STOX1: variants seen among roughly 807,000 people sequenced by gnomAD.
STOX1 encodes the protein storkhead-box protein 1.
Under a neutral mutation model 74.8 loss-of-function variants are expected in STOX1, and 57 were observed. The observed-to-expected ratio is 0.76, with a 90% CI of 0.62 to 0.95. The LOEUF is 0.95. Among genes scored for constraint, STOX1 ranks in the 40% least tolerant of loss-of-function variants. The pLI, the probability that STOX1 is intolerant of heterozygous loss-of-function variation, is 0.00. For synonymous variants in STOX1, 375 were observed against 401.3 expected (o/e 0.93, Z 0.78); for missense variants, 1,010 against 1,117.0 (o/e 0.90, Z 1.37).
chr10:68,894,999 C>T, downstream of STOX1, among the ~76,000 whole-genome samples: 1 of 152,200 alleles, frequency 6.6e-6, no homozygotes, highest in South Asian at 2.1e-4. Context: ...GCTGGAATTA[C>T]AGATGTGAGC....
chr10:68,885,066 G>A lies in STOX1; in HGVS notation c.1270G>A (p.Gly424Arg), dbSNP rs746412185. The A allele has an allele frequency of 1.2e-6, 2 of 1,614,068 alleles. No individual in the cohort carries two copies. Among genetic ancestry groups the A allele is most frequent in the South Asian group, 2.2e-5 (2 of 91,072 alleles). ...KRQGLSAKPQ[G>R]QGHSRRDRHK... ...GCAGGGTCTGTCTGCAAAACCTCAAGGGCAGGGCCATTCTCGAAGGGATAG... is the reference window on the plus strand; with the variant it reads ...GCAGGGTCTGTCTGCAAAACCTCAAAGGCAGGGCCATTCTCGAAGGGATAG... Residue 424 changes from glycine to arginine, a missense_variant, in exon 3 of 4, where the codon GGG (glycine) becomes AGG (arginine). By Grantham distance (125) the Gly-to-Arg change is moderately radical. Coordinates refer to ENST00000298596, the MANE Select transcript of STOX1 (RefSeq NM_152709.5).
Position 68,886,496 on chromosome 10 carries a change from G to A in STOX1, c.2700G>A (p.Lys900=), listed in dbSNP as rs1306793446. The A allele has an allele frequency of 1.2e-6, 2 of 1,614,014 alleles. No individual in the cohort carries two copies. The highest frequency in any genetic ancestry group is 2.2e-5 in the East Asian group (1 of 44,880). ...AAATGAGAAAACATTTCCCACAAAA[G>A]TTCCAACTTTTCAACACTTCACATA... ...NQEMRKHFPQ[K]FQLFNTSHMP... is the part of the protein sequence containing the mutation. Residue 900 remains lysine (K), a synonymous_variant, in exon 3 of 4, where the codon AAG becomes AAA. Transcript: ENST00000298596.
rs1840939530 is a variant in STOX1 at position 68,885,908 on chromosome 10, G to C, written c.2112G>C (p.Glu704Asp). ...LLRKGFVQDA[E>D]TTSLENEQLS... is the part of the protein sequence containing the mutation. ...GAAAAGGATTTGTCCAGGATGCAGA[G>C]ACTACAAGCCTAGAAAATGAACAGC... is the stretch of plus-strand genomic sequence containing the variant. The change falls in exon 3 of 4, where the codon GAG becomes GAC. Residue 704 changes from glutamate (E) to aspartate (D), a missense_variant. Physicochemically the swap from Glu to Asp is conservative, Grantham distance 45 (BLOSUM62 2). Coordinates refer to ENST00000298596, the MANE Select transcript of STOX1 (RefSeq NM_152709.5). 1 of 1,614,174 alleles carries C rather than the reference G, an allele frequency of 6.2e-7. No homozygotes were observed. The highest frequency in any genetic ancestry group is 8.5e-7 in the Non-Finnish European group (1 of 1,180,020).
intron 1 of STOX1, chr10:68,828,216 C>T: frequency 1.1e-6 from 1 of 946,022 alleles, no homozygotes; most frequent in Non-Finnish European, 1.3e-6. Flanking sequence ...CTGCGCGATG[C>T]CTGGCGGCGC....
chr10:68,864,503 G>A (rs1253057443), intron 1 of STOX1, among the ~76,000 whole-genome samples: 1 of 152,108 alleles, frequency 6.6e-6, no homozygotes, highest in African/African-American at 2.4e-5. Context: ...TTCGTGAGAG[G>A]GACAATAATT....
intron 3 of STOX1, among the ~76,000 whole-genome samples, chr10:68,889,044 A>T (rs1004693890): frequency 6.6e-6 from 1 of 151,984 alleles, no homozygotes; most frequent in Non-Finnish European, 1.5e-5. Context: ...GCAATGACAC[A>T]ATCATAGCTC....
chr10:68,894,731 GA>G (rs1025917667), downstream of STOX1, among the ~76,000 whole-genome samples: 19 of 151,640 alleles, frequency 1.3e-4, no homozygotes, highest in African/African-American at 3.6e-4. Context: ...TTTTAACAAC[GA>G]AAAAAAAATT....
chr10:68,846,128 A>T (rs896660494), intron 1 of STOX1, among the ~76,000 whole-genome samples: 29 of 74,130 alleles, frequency 3.9e-4, no homozygotes, highest in East Asian at 2.2e-3. Flanking sequence ...TTTTATTATT[A>T]TTATTATTAT....
At chr10:68,888,127 T>A (rs1020930071) in intron 3 of STOX1, among the ~76,000 whole-genome samples, 1 of 151,084 alleles carries the variant, frequency 6.6e-6, no homozygotes. Flanking sequence ...TGAGATGGAG[T>A]TTTGCTCTTG....
intron 1 of STOX1, among the ~76,000 whole-genome samples, chr10:68,846,227 A>G (rs1011256864): frequency 1.3e-5 from 2 of 151,016 alleles, no homozygotes; most frequent in Non-Finnish European, 2.9e-5. Context: ...GCTCACTGCA[A>G]CCTCTGCCTC....
Position 68,882,071 on chromosome 10 carries a change from C to A in STOX1, c.424C>A (p.Gln142Lys), listed in dbSNP as rs1415809918. 1.2e-6 allele frequency: 2 copies of A among 1,613,694 alleles called. No homozygotes were observed. The highest frequency in any genetic ancestry group is 1.7e-6 in the Non-Finnish European group (2 of 1,179,904). Residue 142 changes from glutamine (Q) to lysine (K), a missense_variant, in exon 2 of 4, where the codon CAG becomes AAG. Gln to Lys is a moderately conservative substitution (Grantham distance 53). Coordinates refer to ENST00000298596, the MANE Select transcript of STOX1 (RefSeq NM_152709.5). ...DMNTAQIVVT[Q>K]ESLLERLMKH... is the part of the protein sequence containing the mutation. ...GAATACAGCTCAGATTGTAGTAACGCAGGAATCACTTTTGGAGCGTTTGAT... is the reference window on the plus strand; with the variant it reads ...GAATACAGCTCAGATTGTAGTAACGAAGGAATCACTTTTGGAGCGTTTGAT...
intron 1 of STOX1, among the ~76,000 whole-genome samples, chr10:68,855,069 G>A (rs994974783): frequency 6.6e-6 from 1 of 151,662 alleles, no homozygotes; most frequent in African/African-American, 2.4e-5. Context: ...AGTGAGCTGT[G>A]ATCACACCAC....
At chr10:68,850,867 G>A (rs1839965845) in intron 1 of STOX1, among the ~76,000 whole-genome samples, 3 of 152,110 alleles carry the variant, frequency 2.0e-5, no homozygotes, top group Admixed American at 6.5e-5. Flanking sequence ...AGCTACTTGG[G>A]AGGCTGAGGT....
chr10:68,858,494 G>C (rs1840182484), intron 1 of STOX1, among the ~76,000 whole-genome samples: 1 of 152,066 alleles, frequency 6.6e-6, no homozygotes, highest in African/African-American at 2.4e-5. Flanking sequence ...TAACAGCCTA[G>C]AAATGCTTCT....
At chr10:68,869,945 A>G (rs573686977) in intron 1 of STOX1, among the ~76,000 whole-genome samples, 1 of 152,162 alleles carries the variant, frequency 6.6e-6, no homozygotes, top group East Asian at 1.9e-4. Context: ...CAAAGAAGAG[A>G]GGCGACTTAC....
chr10:68,857,005 A>G (rs2133550729), intron 1 of STOX1, among the ~76,000 whole-genome samples: 1 of 152,232 alleles, frequency 6.6e-6, no homozygotes, highest in South Asian at 2.1e-4. Flanking sequence ...TGTCTCTTCC[A>G]GTAAACCAGG....
intron 1 of STOX1, among the ~76,000 whole-genome samples, chr10:68,833,140 C>T (rs1213177848): frequency 7.2e-6 from 1 of 139,344 alleles, no homozygotes; most frequent in Non-Finnish European, 1.5e-5. Context: ...GGCTGGAGTG[C>T]AGTGGTGTGA....
chr10:68,865,375 C>T (rs887639610), intron 1 of STOX1, among the ~76,000 whole-genome samples: 1 of 152,170 alleles, frequency 6.6e-6, no homozygotes, highest in Non-Finnish European at 1.5e-5. Context: ...TTTGGCCGGG[C>T]GCAGTGGCTC....
chr10:68,850,443 G>A (rs1427956930), intron 1 of STOX1, among the ~76,000 whole-genome samples: 1 of 152,186 alleles, frequency 6.6e-6, no homozygotes, highest in East Asian at 1.9e-4. Context: ...TTAAAGTGCT[G>A]TAGAGCTCAT....
Sources: gnomAD v4.1 joint callset for allele counts (sites outside exome capture counted in the v4.1 genomes callset) on GRCh38, gnomAD v4.1.1 for gene constraint, MANE v1.5 for transcripts, NCBI Gene and HGNC (gene_info 2026-07-23, HGNC 2026-07-21) for gene names.